Variants in CFAP70 observed in about 807,000 individuals in gnomAD.
CFAP70 encodes cilia- and flagella-associated protein 70.
In CFAP70, 81 loss-of-function variants were observed where a neutral mutation model predicts 137.6. The ratio of observed to expected loss-of-function variants is 0.59; its 90% CI spans 0.49 to 0.71. The LOEUF (loss-of-function observed/expected upper bound fraction) is 0.71. CFAP70 is among the 30% of genes least tolerant of loss of function. CFAP70 has a pLI of 0.00. For synonymous variants in CFAP70, 382 were observed against 423.6 expected, an observed-to-expected ratio of 0.90 and a Z score of 1.20; for missense variants, 976 against 1,226.7, an observed-to-expected ratio of 0.80 and a Z score of 3.05.
At chr10:73,316,467 TATATATATATATAGATATAG>T (rs1425107907) in intron 9 of CFAP70, among the ~76,000 whole-genome samples, 9 of 116,290 alleles carry the variant, frequency 7.7e-5, no homozygotes, top group East Asian at 3.8e-4. Flanking sequence ...TGTTGAGATA[TATATATATATATAGATATAG>T]ATATATATAT....
intron 1 of CFAP70, among the ~76,000 whole-genome samples, chr10:73,358,386 A>T (rs7077742): frequency 0.047 from 7,214 of 152,268 alleles, 507 homozygotes; most frequent in African/African-American, 0.16. Flanking sequence ...GCAAGGGGAG[A>T]GTCCAGTGAG....
chr10:73,281,146 T>C (rs1013138054), intron 19 of CFAP70, among the ~76,000 whole-genome samples: 2 of 152,268 alleles, frequency 1.3e-5, no homozygotes, highest in East Asian at 1.9e-4. Context: ...CTTTGTGATT[T>C]CTTCTTTGAC....
intron 3 of CFAP70, among the ~76,000 whole-genome samples, chr10:73,353,115 C>A (rs1384479188): frequency 1.3e-5 from 2 of 152,162 alleles, no homozygotes. Context: ...ATGGTTAGTA[C>A]AAGCCTATGA....
chr10:73,325,862 A>T (rs1328709747), intron 8 of CFAP70, among the ~76,000 whole-genome samples: 2 of 152,154 alleles, frequency 1.3e-5, no homozygotes, highest in Admixed American at 1.3e-4. Context: ...CTACAAAGAG[A>T]CTTAGACTCC....
chr10:73,312,043 C>T, intron 10 of CFAP70, 129 bp from the exon 12 acceptor site: 2 of 718,658 alleles, frequency 2.8e-6, no homozygotes, highest in Non-Finnish European at 4.7e-6. Flanking sequence ...AGTTTGTGTC[C>T]TTTGCAGGGA....
At chr10:73,271,514 A>G (rs11000580) in intron 24 of CFAP70, among the ~76,000 whole-genome samples, 89 of 152,238 alleles carry the variant, frequency 5.8e-4, no homozygotes, top group Middle Eastern at 3.4e-3. Flanking sequence ...GAAGATACCA[A>G]TACTATACTG....
chr10:73,323,788 T>C (rs931873946), intron 8 of CFAP70, among the ~76,000 whole-genome samples: 6 of 152,216 alleles, frequency 3.9e-5, no homozygotes, highest in Non-Finnish European at 7.3e-5. Flanking sequence ...GTGCCCCCCA[T>C]TGCCCAGGCT....
intron 1 of CFAP70, among the ~76,000 whole-genome samples, chr10:73,355,744 C>A (rs544693820): frequency 6.6e-6 from 1 of 152,350 alleles, no homozygotes; most frequent in African/African-American, 2.4e-5. Context: ...CACCACTGAA[C>A]TCCAGCCTGG....
chr10:73,331,292 C>G lies in CFAP70; in HGVS notation c.678-16G>C. On this transcript the variant is annotated splice_polypyrimidine_tract_variant and intron_variant, in intron 7 of 26. Transcript: ENST00000310715. ...CTTCTGAAAACTGCAAATCAAGAAT[C>G]AGTCCATTAGCATTATATGCAAAAA... 2 of 1,603,698 alleles carry G rather than the reference C, an allele frequency of 1.2e-6. No homozygotes were observed. The highest frequency in any genetic ancestry group is 2.2e-5 in the East Asian group (1 of 44,812).
intron 9 of CFAP70, among the ~76,000 whole-genome samples, chr10:73,317,864 G>A (rs1347303302): frequency 5.9e-5 from 9 of 152,172 alleles, no homozygotes; most frequent in Non-Finnish European, 1.2e-4. Flanking sequence ...GGAGGTGTTA[G>A]GGTCACGGGG....
chr10:73,322,811 A>G, intron 9 of CFAP70, 152 bp downstream of exon 10: 1 of 594,606 alleles, frequency 1.7e-6, no homozygotes, highest in Non-Finnish European at 2.6e-6. Context: ...TTAAAGGTCC[A>G]ATGCAGAATG....
chr10:73,318,011 T>C (rs924620289), intron 9 of CFAP70, among the ~76,000 whole-genome samples: 1 of 152,214 alleles, frequency 6.6e-6, no homozygotes, highest in Non-Finnish European at 1.5e-5. Context: ...CCATGTGACA[T>C]GCCTGCTTCC....
chr10:73,356,298 A>C (rs1345386871), intron 1 of CFAP70, among the ~76,000 whole-genome samples: 1 of 151,702 alleles, frequency 6.6e-6, no homozygotes, highest in African/African-American at 2.4e-5. Context: ...TCCCAGGCTC[A>C]AGTGATTGTC....
At chr10:73,262,691 G>A (rs746390303) in intron 25 of CFAP70, among the ~76,000 whole-genome samples, 26 of 152,174 alleles carry the variant, frequency 1.7e-4, no homozygotes, top group Non-Finnish European at 2.9e-4. Flanking sequence ...AAAGAAATTC[G>A]TGCATGGTAT....
rs540427594 is a variant in CFAP70, at chr10:73,271,143, G to C, written c.2926-1428C>G. Reference sequence around the variant, plus strand: ...CCACTGTACACCAGCCTGGGTGACAGAGCAAGATCCTGTCTCAAGTAAATA... The same window carrying C: ...CCACTGTACACCAGCCTGGGTGACACAGCAAGATCCTGTCTCAAGTAAATA... On this transcript the variant is annotated intron_variant, in intron 24 of 26. Transcript: ENST00000310715. 1.9e-3 allele frequency among the ~76,000 whole-genome samples: 288 copies of C among 152,342 alleles called. 2 individuals are homozygous for C. The highest frequency in any genetic ancestry group is 6.5e-3 in the African/African-American group (272 of 41,578).
intron 8 of CFAP70, among the ~76,000 whole-genome samples, chr10:73,330,221 G>A (rs2051932905): frequency 6.6e-6 from 1 of 152,070 alleles, no homozygotes; most frequent in Admixed American, 6.6e-5. Context: ...GGAGGCTGAG[G>A]CGGGTGGATC....
chr10:73,341,597 C>T lies in CFAP70; in HGVS notation c.400-16G>A. The T allele has an allele frequency of 3.1e-6, 5 of 1,599,406 alleles. No homozygotes were observed. Among genetic ancestry groups the T allele is most frequent in the African/African-American group, 1.4e-5 (1 of 73,950 alleles). ...GATAGTCCTTCTACAGAAATAGATACCATATGTCAGGAAAATTTGTAAAGG... is the reference window on the plus strand; with the variant it reads ...GATAGTCCTTCTACAGAAATAGATATCATATGTCAGGAAAATTTGTAAAGG... On this transcript the variant is annotated splice_polypyrimidine_tract_variant and intron_variant, in intron 5 of 26. Coordinates refer to ENST00000310715, the Ensembl canonical transcript of CFAP70.
chr10:73,316,481 GATATAGAT>G (rs915066782), intron 9 of CFAP70, among the ~76,000 whole-genome samples: 4 of 106,534 alleles, frequency 3.8e-5, no homozygotes, highest in African/African-American at 1.4e-4. Flanking sequence ...TATATATATA[GATATAGAT>G]ATATATATAT....
chr10:73,334,069 T>G (rs1303670616), intron 7 of CFAP70, among the ~76,000 whole-genome samples: 7 of 152,194 alleles, frequency 4.6e-5, no homozygotes, highest in Non-Finnish European at 1.5e-5. Context: ...AAAGCTGTCC[T>G]AAAAAAACAG....
Sources: allele counts gnomAD v4.1 joint callset (sites outside exome capture counted in the v4.1 genomes callset), GRCh38; gene constraint gnomAD v4.1.1; transcripts MANE v1.5; gene names NCBI Gene and HGNC (gene_info 2026-07-23, HGNC 2026-07-21).